The following BIN1 variants were observed in gnomAD, a reference collection of about 807,000 sequenced individuals.
The protein encoded by BIN1 is myc box-dependent-interacting protein 1.
BIN1 carries 53 observed loss-of-function variants against 82.0 expected under a neutral mutation model. The ratio of observed to expected loss-of-function variants is 0.65; its 90% CI spans 0.52 to 0.81. The LOEUF (loss-of-function observed/expected upper bound fraction) is 0.81, where lower values mean the gene tolerates loss of function less well. Ranked by LOEUF, BIN1 falls within the 40% of genes least tolerant of loss-of-function variation. The pLI, the probability that BIN1 is intolerant of heterozygous loss-of-function variation, is 0.00. For synonymous variants in BIN1, 302 were observed against 328.0 expected (o/e 0.92, Z 0.86); for missense variants, 642 against 784.4 (o/e 0.82, Z 2.17).
At position 127,093,014 on chromosome 2, in the gene BIN1, G is replaced by A. The variant is rs1424182027; in HGVS notation, c.84+13846C>T. Reference sequence around the variant, plus strand: ...AAAAAAAAAAAAATCCCAGGAGGGAGCCAAAGGAGTGGGGCACAGCCTGGG... The same window carrying A: ...AAAAAAAAAAAAATCCCAGGAGGGAACCAAAGGAGTGGGGCACAGCCTGGG... On this transcript the variant is annotated intron_variant, in intron 1 of 18. Coordinates refer to ENST00000316724, the MANE Select transcript of BIN1 (RefSeq NM_139343.3). This position sits in a 1 kb window ranked among gnomAD's most constrained non-coding sequence, Gnocchi z 5.7. Among the ~76,000 whole-genome samples the A allele has an allele frequency of 6.6e-6, 1 of 152,022 alleles. No homozygotes were observed. The highest frequency in any genetic ancestry group is 1.9e-4 in the East Asian group (1 of 5,182).
chr2:127,080,243 G>A (rs1687122174), intron 1 of BIN1, among the ~76,000 whole-genome samples: 1 of 152,228 alleles, frequency 6.6e-6, no homozygotes, highest in African/African-American at 2.4e-5. Flanking sequence ...GTGAGCCCTG[G>A]GACACAGATC....
Position 127,093,809 on chromosome 2 carries a change from C to T in BIN1, c.84+13051G>A, listed in dbSNP as rs1679242505. ...ATACCACACGTTTCCGCCCCTGCCG[C>T]TCTCTCTGGACAATCCCCTCCCCTT... On this transcript the variant is annotated intron_variant, in intron 1 of 18. Transcript: ENST00000316724. The surrounding 1 kb of genome is among the most constrained non-coding windows in gnomAD (Gnocchi z 5.7). 6.6e-6 allele frequency among the ~76,000 whole-genome samples: 1 copy of T among 152,236 alleles called. No individual in the cohort carries two copies. Among genetic ancestry groups the T allele is most frequent in the South Asian group, 2.1e-4 (1 of 4,836 alleles).
intron 2 of BIN1, 131 bp from the exon 3 acceptor site, chr2:127,070,947 C>T (rs1373505297): frequency 3.3e-5 from 29 of 866,652 alleles, no homozygotes; most frequent in Non-Finnish European, 3.6e-6. Flanking sequence ...CAGCTGACCT[C>T]CCAACAGGAC....
In BIN1 at chr2:127,104,297, G is replaced by A. The variant is rs1224413382; in HGVS notation, c.84+2563C>T. On this transcript the variant is annotated intron_variant, in intron 1 of 18. Coordinates refer to ENST00000316724, the MANE Select transcript of BIN1 (RefSeq NM_139343.3). ...TGCCCTGCCGTGCCCTCAGGGATCA[G>A]CCAGACCAGTGGTGGAGGCAGAAGG... is the stretch of plus-strand genomic sequence containing the variant. Among the ~76,000 whole-genome samples the A allele has an allele frequency of 2.0e-5, 3 of 152,218 alleles. No homozygotes were observed. In the East Asian group the frequency reaches 5.8e-4, roughly 29 times the overall value.
intron 10 of BIN1, among the ~76,000 whole-genome samples, chr2:127,061,496 C>T (rs1470896571): frequency 1.3e-5 from 2 of 152,192 alleles, no homozygotes; most frequent in African/African-American, 4.8e-5. Flanking sequence ...CACATGCACA[C>T]ATGGCCAGAA....
intron 18 of BIN1, 119 bp from the exon 19 acceptor site, chr2:127,048,752 C>T (rs1367072457): frequency 2.2e-6 from 2 of 894,586 alleles, no homozygotes; most frequent in African/African-American, 3.3e-5. Context: ...GTGCCTCAGC[C>T]TGCCAAGCCC....
In BIN1 at chr2:127,067,050, A is replaced by G. The variant is rs731818; in HGVS notation, c.612+1113T>C. ...CACACCACTGCACTCCAGCCAGGGG[A>G]ACGGAGAGAAACCCGTTCAAAAAAA... On this transcript the variant is annotated intron_variant, in intron 7 of 18. Coordinates refer to ENST00000316724, the MANE Select transcript of BIN1 (RefSeq NM_139343.3). This position sits in a 1 kb window ranked among gnomAD's most constrained non-coding sequence, Gnocchi z 4.7. Among the ~76,000 whole-genome samples the G allele has an allele frequency of 9.2e-3, 1,361 of 148,070 alleles. 20 individuals are homozygous for G. Among genetic ancestry groups the G allele is most frequent in the African/African-American group, 0.033 (1,288 of 39,086 alleles).
chr2:127,063,496 G>A (rs969057547), intron 9 of BIN1, 75 bp downstream of exon 9: 2 of 1,465,486 alleles, frequency 1.4e-6, no homozygotes, highest in Non-Finnish European at 9.4e-7. Context: ...AGTTCAGGCT[G>A]CCCCTCCCAC....
rs983010166 is a variant in BIN1, at chr2:127,069,984, G to A, written c.411+11C>T. ...GCCAGAGCAGGGCAGATCTGCAAGT[G>A]GGTCTCTCACCTTGATGTCGGGGAA... On this transcript the variant is annotated intron_variant, in intron 5 of 18. Transcript: ENST00000316724. The A allele has an allele frequency of 1.2e-6, 2 of 1,613,364 alleles. No individual in the cohort carries two copies. Among genetic ancestry groups the A allele is most frequent in the Admixed American group, 1.7e-5 (1 of 60,008 alleles).
At position 127,093,769 on chromosome 2, in the gene BIN1, T is replaced by C. The variant is rs187078741; in HGVS notation, c.84+13091A>G. ...AGAGCGGTGTCAGCTGTGGCCCTTA[T>C]GATGGGTGAGAACGATACCACACGT... On this transcript the variant is annotated intron_variant, in intron 1 of 18. Transcript: ENST00000316724. The surrounding 1 kb of genome is among the most constrained non-coding windows in gnomAD (Gnocchi z 5.7). Among the ~76,000 whole-genome samples the C allele has an allele frequency of 1.3e-5, 2 of 152,352 alleles. No individual in the cohort carries two copies. Among genetic ancestry groups the C allele is most frequent in the Admixed American group, 6.5e-5 (1 of 15,302 alleles).
At chr2:127,106,379 A>G (rs1172395427) in intron 1 of BIN1, among the ~76,000 whole-genome samples, 1 of 152,212 alleles carries the variant, frequency 6.6e-6, no homozygotes, top group East Asian at 1.9e-4. Context: ...CGGTTCGAGA[A>G]GCAGCCTTGG....
chr2:127,089,931 C>T (rs111235477), intron 1 of BIN1, among the ~76,000 whole-genome samples: 1 of 151,574 alleles, frequency 6.6e-6, no homozygotes. Flanking sequence ...CTGCTCCCCC[C>T]ACCCAGGGCT....
intron 1 of BIN1, among the ~76,000 whole-genome samples, chr2:127,081,481 G>A (rs748938616): frequency 6.6e-6 from 1 of 152,138 alleles, no homozygotes; most frequent in Non-Finnish European, 1.5e-5. Context: ...AGAGACCAGT[G>A]GGCCTGCTGC....
At chr2:127,062,258 C>G in intron 9 of BIN1, 61 bp from the exon 10 acceptor site, 1 of 1,489,300 alleles carries the variant, frequency 6.7e-7, no homozygotes, top group African/African-American at 1.4e-5. Context: ...CCCCACCTTC[C>G]CCAAACACCT....
At chr2:127,084,009 G>GGCA (rs1370850523) in intron 1 of BIN1, among the ~76,000 whole-genome samples, 2 of 152,196 alleles carry the variant, frequency 1.3e-5, no homozygotes, top group Non-Finnish European at 2.9e-5. Context: ...TCATCTGCAG[G>GGCA]ACAATCACGG....
In BIN1 at chr2:127,089,118, G is replaced by C. The variant is rs539670407; in HGVS notation, c.85-12412C>G. The stretch of plus-strand genomic sequence containing the variant: ...AATACTATTATATTCTCACTTTGCA[G>C]GTGAGGAAACTGAGGCACTGCCTTA... On this transcript the variant is annotated intron_variant, in intron 1 of 18. Coordinates refer to ENST00000316724, the MANE Select transcript of BIN1 (RefSeq NM_139343.3). 2.0e-5 allele frequency among the ~76,000 whole-genome samples: 3 copies of C among 152,258 alleles called. No individual in the cohort carries two copies. The East Asian group carries it at 5.8e-4, about 29-fold the overall frequency.
At chr2:127,078,791 C>T (rs890558548) in intron 1 of BIN1, among the ~76,000 whole-genome samples, 19 of 152,136 alleles carry the variant, frequency 1.2e-4, no homozygotes, top group Admixed American at 2.6e-4. Flanking sequence ...TGGGGAGGTT[C>T]CTCACCCGGC....
In BIN1 at chr2:127,071,288, G is replaced by A. The variant is rs181365501; in HGVS notation, c.166-472C>T. 5.6e-4 allele frequency among the ~76,000 whole-genome samples: 85 copies of A among 152,302 alleles called. 2 individuals are homozygous for A. In the East Asian group the frequency reaches 0.015, roughly 27 times the overall value. ...AGCTCAGGTGGTGCCCAAGGACAGA[G>A]AGCTCCCACTGCCTCGTACTAGGAA... On this transcript the variant is annotated intron_variant, in intron 2 of 18. Coordinates refer to ENST00000316724, the MANE Select transcript of BIN1 (RefSeq NM_139343.3).
chr2:127,057,448 C>G lies in BIN1; in HGVS notation c.1131+25G>C, dbSNP rs375330493. 3.9e-6 allele frequency: 6 copies of G among 1,539,092 alleles called. No individual in the cohort carries two copies. In the African/African-American group the frequency reaches 8.2e-5, roughly 21 times the overall value. On this transcript the variant is annotated intron_variant, in intron 12 of 18. Transcript: ENST00000316724. The surrounding 1 kb of genome is among the most constrained non-coding windows in gnomAD (Gnocchi z 5.0). ...CTGAGAGGGCAGGAAGAGAGGAGAGCTGGGCCGCGGCGGCCGCGGCTGACC... is the reference window on the plus strand; with the variant it reads ...CTGAGAGGGCAGGAAGAGAGGAGAGGTGGGCCGCGGCGGCCGCGGCTGACC...
Sources: gnomAD v4.1 joint callset for allele counts (sites outside exome capture counted in the v4.1 genomes callset) on GRCh38, gnomAD v4.1.1 for gene constraint, Gnocchi (gnomAD v3.1) non-coding constraint, MANE v1.5 for transcripts, NCBI Gene and HGNC (gene_info 2026-07-23, HGNC 2026-07-21) for gene names.